IQCM: variants seen among roughly 807,000 people sequenced by gnomAD.
IQCM encodes IQ domain-containing protein M.
IQCM carries 45 observed loss-of-function variants against 57.6 expected under a neutral mutation model. The ratio of observed to expected loss-of-function variants is 0.78; its 90% CI spans 0.62 to 1.00. The LOEUF (loss-of-function observed/expected upper bound fraction) is 1.00, where lower values mean the gene tolerates loss of function less well. IQCM is among the 50% of genes least tolerant of loss of function. The pLI, the probability that IQCM is intolerant of heterozygous loss-of-function variation, is 0.00. For synonymous variants in IQCM, 148 were observed against 158.9 expected, an observed-to-expected ratio of 0.93 and a Z score of 0.51; for missense variants, 468 against 511.6, an observed-to-expected ratio of 0.91 and a Z score of 0.82.
chr4:149,654,751 C>T (rs1328679003), intron 7 of IQCM, among the ~76,000 whole-genome samples: 3 of 152,088 alleles, frequency 2.0e-5, no homozygotes, highest in Non-Finnish European at 4.4e-5. Flanking sequence ...CAAGCCTGAA[C>T]TGTCAATATG....
chr4:149,624,017 A>G (rs1756579512), intron 7 of IQCM, among the ~76,000 whole-genome samples: 1 of 152,180 alleles, frequency 6.6e-6, no homozygotes, highest in Non-Finnish European at 1.5e-5. Context: ...AATATTTTAG[A>G]CTATCATCAA....
Position 149,483,105 on chromosome 4 carries a change from G to GT in IQCM, c.1229-49549dup, listed in dbSNP as rs1741093080. Among the ~76,000 whole-genome samples the GT allele has an allele frequency of 2.0e-5, 3 of 151,908 alleles. No homozygotes were observed. In the South Asian group the frequency reaches 6.2e-4, roughly 32 times the overall value. ...AATCCTTTGAATTTCTGTGGTATTA[G>GT]TTGTAATGTTTCCTTTTTCATCACT... is the stretch of plus-strand genomic sequence containing the variant. On this transcript the variant is annotated intron_variant, in intron 12 of 13. Transcript: ENST00000636793.
intron 2 of IQCM, among the ~76,000 whole-genome samples, chr4:149,775,708 A>G (rs887062292): frequency 6.6e-6 from 1 of 152,054 alleles, no homozygotes; most frequent in Admixed American, 6.6e-5. Flanking sequence ...TACAGCTGCA[A>G]GTTCCTTCCA....
chr4:149,424,458 T>C (rs1338235520), intron 13 of IQCM, among the ~76,000 whole-genome samples: 1 of 151,840 alleles, frequency 6.6e-6, no homozygotes, highest in East Asian at 1.9e-4. Context: ...CTCAAACTTT[T>C]ATTACATTAA....
chr4:149,521,917 A>G (rs1457143748), intron 12 of IQCM, among the ~76,000 whole-genome samples: 1 of 152,156 alleles, frequency 6.6e-6, no homozygotes, highest in Non-Finnish European at 1.5e-5. Flanking sequence ...CCTGCATCCA[A>G]CGCAAGAAAC....
At chr4:149,595,748 G>A (rs1442264414) in intron 8 of IQCM, among the ~76,000 whole-genome samples, 3 of 152,074 alleles carry the variant, frequency 2.0e-5, no homozygotes, top group Non-Finnish European at 4.4e-5. Context: ...TTGAATTTGA[G>A]AGCTTCCAGG....
chr4:149,718,320 T>C (rs1481541789), intron 5 of IQCM, among the ~76,000 whole-genome samples: 1 of 152,168 alleles, frequency 6.6e-6, no homozygotes, highest in Non-Finnish European at 1.5e-5. Context: ...CCCTGAAATA[T>C]GTATTTTTTT....
At chr4:149,359,148 AC>A in intron 13 of IQCM, among the ~76,000 whole-genome samples, 1 of 152,186 alleles carries the variant, frequency 6.6e-6, no homozygotes, top group Admixed American at 6.5e-5. Flanking sequence ...ATCTCAAATA[AC>A]TTTAATGCTC....
At chr4:149,726,193 T>A (rs1396399679) in intron 5 of IQCM, among the ~76,000 whole-genome samples, 1 of 152,020 alleles carries the variant, frequency 6.6e-6, no homozygotes, top group African/African-American at 2.4e-5. Context: ...ATTTTCACTT[T>A]CACATTTTTC....
intron 9 of IQCM, among the ~76,000 whole-genome samples, chr4:149,572,663 C>T (rs1503704): frequency 0.22 from 32,805 of 151,770 alleles, 4,374 homozygotes; most frequent in Non-Finnish European, 0.29. Flanking sequence ...ACAACCAGAG[C>T]GCCTTGAAGG....
At chr4:149,782,848 C>T (rs1299197724) in intron 2 of IQCM, among the ~76,000 whole-genome samples, 1 of 152,070 alleles carries the variant, frequency 6.6e-6, no homozygotes, top group African/African-American at 2.4e-5. Context: ...TCACTTGGCT[C>T]CTAGGATTCT....
At chr4:149,473,359 C>T (rs1374208684) in intron 12 of IQCM, among the ~76,000 whole-genome samples, 2 of 152,190 alleles carry the variant, frequency 1.3e-5, no homozygotes, top group African/African-American at 2.4e-5. Flanking sequence ...ATGCAGCCAA[C>T]AGACACATGA....
intron 12 of IQCM, among the ~76,000 whole-genome samples, chr4:149,523,915 G>T (rs902444421): frequency 3.3e-5 from 5 of 152,116 alleles, no homozygotes; most frequent in Admixed American, 3.3e-4. Context: ...ACTGAAGAGT[G>T]GGTGGAAATA....
At chr4:149,683,340 A>G (rs1762323456) in intron 6 of IQCM, among the ~76,000 whole-genome samples, 2 of 151,392 alleles carry the variant, frequency 1.3e-5, no homozygotes, top group South Asian at 4.1e-4. Context: ...TATAAATCTT[A>G]CATAAATTTC....
At chr4:149,658,535 A>G (rs1242146185) in intron 7 of IQCM, among the ~76,000 whole-genome samples, 1 of 151,980 alleles carries the variant, frequency 6.6e-6, no homozygotes, top group Non-Finnish European at 1.5e-5. Flanking sequence ...TATTTATGTG[A>G]AGAATATTGA....
chr4:149,808,344 G>A (rs1202945390), intron 2 of IQCM, among the ~76,000 whole-genome samples: 1 of 152,142 alleles, frequency 6.6e-6, no homozygotes, highest in African/African-American at 2.4e-5. Context: ...TCACTCATAT[G>A]AGGGAGCTAA....
rs142930248 is a variant in IQCM, at chr4:149,813,868, C to T, written c.-49+1443G>A. ...ATTCCAGAGTCCTTAGCACAGAGTG[C>T]CACTTGGATTTTCTCACAAGCTGAT... is the stretch of plus-strand genomic sequence containing the variant. On this transcript the variant is annotated intron_variant, in intron 2 of 13. Transcript: ENST00000636793. Among the ~76,000 whole-genome samples, 235 of 152,130 alleles carry T rather than the reference C, an allele frequency of 1.5e-3. 1 individual carries two copies. The highest frequency in any genetic ancestry group is 5.3e-3 in the African/African-American group (220 of 41,544).
At chr4:149,586,003 C>A (rs549273972) in intron 9 of IQCM, among the ~76,000 whole-genome samples, 2 of 151,730 alleles carry the variant, frequency 1.3e-5, no homozygotes. Flanking sequence ...GGCTGGCTGG[C>A]TCCAGGGAAA....
intron 8 of IQCM, among the ~76,000 whole-genome samples, chr4:149,594,504 A>T (rs1383215616): frequency 6.6e-6 from 1 of 151,928 alleles, no homozygotes; most frequent in Non-Finnish European, 1.5e-5. Flanking sequence ...CTAGCTTTTG[A>T]ATGTGTTTGC....
Sources: gnomAD v4.1 joint callset for allele counts (sites outside exome capture counted in the v4.1 genomes callset) on GRCh38, gnomAD v4.1.1 for gene constraint, MANE v1.5 for transcripts, NCBI Gene and HGNC (gene_info 2026-07-23, HGNC 2026-07-21) for gene names.